Variants in GCN1 observed in about 807,000 individuals in gnomAD.
GCN1 encodes the protein stalled ribosome sensor GCN1.
GCN1 carries 90 observed loss-of-function variants against 288.4 expected under a neutral mutation model. That is an observed-to-expected ratio of 0.31 (90% CI 0.26 to 0.37). The LOEUF (loss-of-function observed/expected upper bound fraction) is 0.37. Ranked by LOEUF, GCN1 falls within the 10% of genes least tolerant of loss-of-function variation. The pLI is 1.00. For missense variants in GCN1, 2,586 were observed against 3,419.9 expected (o/e 0.76, Z 6.08); for synonymous variants, 1,386 against 1,420.2 (o/e 0.98, Z 0.54).
At chr12:120,131,464 T>C in intron 54 of GCN1, 131 bp from the exon 55 acceptor site, 1 of 808,086 alleles carries the variant, frequency 1.2e-6, no homozygotes, top group South Asian at 1.7e-5. Context: ...CCAGGCCACA[T>C]TCACATGGAC....
intron 55 of GCN1, 43 bp from the exon 56 acceptor site, chr12:120,130,796 T>G: frequency 7.7e-7 from 1 of 1,292,030 alleles, no homozygotes; most frequent in Non-Finnish European, 1.1e-6. Context: ...CCCCCACCCC[T>G]TCCCCAGAGC....
chr12:120,193,261 G>A (rs1198358256), intron 1 of GCN1, among the ~76,000 whole-genome samples: 1 of 152,144 alleles, frequency 6.6e-6, no homozygotes, highest in Non-Finnish European at 1.5e-5. Flanking sequence ...CTGGCTACAT[G>A]TGGCTAACTG....
chr12:120,176,927 T>C (rs1878498679), intron 9 of GCN1, among the ~76,000 whole-genome samples: 1 of 152,154 alleles, frequency 6.6e-6, no homozygotes. Context: ...CCACCACGCC[T>C]AATTTTTTTC....
Position 120,160,038 on chromosome 12 carries a change from G to C in GCN1, c.2551-15C>G. 1 of 1,613,028 alleles carries C rather than the reference G, an allele frequency of 6.2e-7. No homozygotes were observed. Among genetic ancestry groups the C allele is most frequent in the Non-Finnish European group, 8.5e-7 (1 of 1,178,984 alleles). ...TCCCCATCCAGCTGCAAGCAGAGTT[G>C]TCCAGAAGGCAGGTCAGCAGGGCCC... is the stretch of plus-strand genomic sequence containing the variant. On this transcript the variant is annotated splice_polypyrimidine_tract_variant and intron_variant, in intron 23 of 57. Transcript: ENST00000300648.
intron 16 of GCN1, among the ~76,000 whole-genome samples, chr12:120,167,681 C>T (rs1367781558): frequency 6.6e-6 from 1 of 152,044 alleles, no homozygotes; most frequent in Non-Finnish European, 1.5e-5. Flanking sequence ...TTTTCTAAAA[C>T]CAGGAAATGA....
At chr12:120,146,314 C>A (rs1877360928) in intron 38 of GCN1, among the ~76,000 whole-genome samples, 1 of 150,204 alleles carries the variant, frequency 6.7e-6, no homozygotes, top group Non-Finnish European at 1.5e-5. Flanking sequence ...TGGTGGGGAA[C>A]TGTAGATAAA....
Position 120,156,719 on chromosome 12 carries a change from C to A in GCN1, c.3169-115G>T. 1 of 1,109,268 alleles carries A rather than the reference C, an allele frequency of 9.0e-7. No homozygotes were observed. Among genetic ancestry groups the A allele is most frequent in the East Asian group, 2.5e-5 (1 of 40,614 alleles). 68.7% of individuals were successfully genotyped at this position (1,109,268 alleles called of 1,614,324 possible). ...TACAGCACTGCAAGGGCTAAGACCC[C>A]AGCTCCAGTGGCAGGACCCAAGCAA... On this transcript the variant is annotated intron_variant, in intron 27 of 57. Coordinates refer to ENST00000300648, the MANE Select transcript of GCN1 (RefSeq NM_006836.2). This position sits in a 1 kb window ranked among gnomAD's most constrained non-coding sequence, Gnocchi z 5.8.
chr12:120,142,675 T>C lies in GCN1; in HGVS notation c.5661A>G (p.Ala1887=). The C allele has an allele frequency of 6.2e-7, 1 of 1,614,084 alleles. No individual in the cohort carries two copies. Among genetic ancestry groups the C allele is most frequent in the Non-Finnish European group, 8.5e-7 (1 of 1,180,036 alleles). ...LGVERRNRVL[A]GLYMGRSDTQ... ...TGTCTGAGCGGCCCATGTACAGCCC[T>C]GCCAACACCCGGTTCCGCCGCTCTA... Residue 1887 remains alanine, a synonymous_variant, in exon 44 of 58, where the codon GCA becomes GCG. Transcript: ENST00000300648. The surrounding 1 kb of genome is among the most constrained non-coding windows in gnomAD (Gnocchi z 4.9).
At position 120,145,006 on chromosome 12, in the gene GCN1, G is replaced by A. The variant is rs1474267172; in HGVS notation, c.5072C>T (p.Ser1691Leu). The change falls in exon 40 of 58, where the codon TCG becomes TTG. Residue 1691 changes from serine (S) to leucine (L), a missense_variant. By Grantham distance (145) the Ser-to-Leu change is moderately radical. Transcript: ENST00000300648. ...CCACGGCAGCAAGTCCTCAAAGCAC[G>A]ACTCCCCCATGCCCTTCACCATGGC... ...LGAMVKGMGE[S>L]CFEDLLPWLM... 12 of 1,614,010 alleles carry A rather than the reference G, an allele frequency of 7.4e-6. No individual in the cohort carries two copies. The South Asian group carries it at 7.7e-5, about 10-fold the overall frequency.
At chr12:120,133,198 AGT>A (rs1455692667) in intron 53 of GCN1, among the ~76,000 whole-genome samples, 1 of 151,942 alleles carries the variant, frequency 6.6e-6, no homozygotes, top group Non-Finnish European at 1.5e-5. Flanking sequence ...GGGCAGGAGG[AGT>A]GTGTGTGGGT....
chr12:120,143,695 G>C (rs537562604), intron 42 of GCN1, among the ~76,000 whole-genome samples: 1 of 151,896 alleles, frequency 6.6e-6, no homozygotes, highest in Non-Finnish European at 1.5e-5. Context: ...ATGTCTAACA[G>C]CTTTAAGCAC....
In GCN1 at chr12:120,174,141, C is replaced by A. The variant is rs775384219; in HGVS notation, c.1122G>T (p.Val374=). 1.2e-6 allele frequency: 2 copies of A among 1,602,722 alleles called. No individual in the cohort carries two copies. Among genetic ancestry groups the A allele is most frequent in the Non-Finnish European group, 1.7e-6 (2 of 1,169,546 alleles). Residue 374 remains valine (V), a synonymous_variant, in exon 13 of 58, where the codon GTG becomes GTT. Transcript: ENST00000300648. ...TCAGGACCTGACTGGAAGGTCCAGA[C>A]ACCACGTGATGACTGACGCTCCCAA... The part of the protein sequence containing the change: ...SGIGSVSHHV[V]SGPSSQVLNG...
intron 5 of GCN1, 127 bp downstream of exon 5, chr12:120,183,442 G>A (rs761566477): frequency 3.9e-5 from 27 of 694,122 alleles, no homozygotes; most frequent in Admixed American, 2.5e-4. Flanking sequence ...CACACACCTC[G>A]GGACAACTCA....
At chr12:120,184,334 G>T in intron 3 of GCN1, 91 bp from the exon 4 acceptor site, 1 of 1,093,278 alleles carries the variant, frequency 9.1e-7, no homozygotes, top group Non-Finnish European at 1.3e-6. Context: ...GTCTTTCTCA[G>T]GAGAAACTGA....
At position 120,161,680 on chromosome 12, in the gene GCN1, T is replaced by G. The variant is rs891643521; in HGVS notation, c.2343-97A>C. ...GCAATTCCAACTAGCTGTTAAGCACTGTGCACCAGCACAGTGCCGGATACT... is the reference window on the plus strand; with the variant it reads ...GCAATTCCAACTAGCTGTTAAGCACGGTGCACCAGCACAGTGCCGGATACT... On this transcript the variant is annotated intron_variant, in intron 21 of 57. Transcript: ENST00000300648. The G allele has an allele frequency of 9.8e-5, 97 of 993,326 alleles. 2 individuals carry two copies. The highest frequency in any genetic ancestry group is 3.1e-4 in the South Asian group (23 of 75,116). 61.5% of individuals were successfully genotyped at this position (993,326 alleles called of 1,614,324 possible). A position where few individuals can be genotyped will look rare whatever the true frequency, so the allele number is the denominator to read the frequency against.
intron 22 of GCN1, among the ~76,000 whole-genome samples, chr12:120,161,184 A>G (rs1877913490): frequency 6.6e-6 from 1 of 152,234 alleles, no homozygotes; most frequent in African/African-American, 2.4e-5. Flanking sequence ...GATGGGTCCC[A>G]GTCTTCAAGG....
At chr12:120,184,953 A>G in intron 2 of GCN1, 66 bp from the exon 3 acceptor site, 1 of 1,053,230 alleles carries the variant, frequency 9.5e-7, no homozygotes, top group Non-Finnish European at 1.5e-6. Flanking sequence ...GGAGTCAGGT[A>G]TTCTGCCCAG....
Position 120,155,630 on chromosome 12 carries a change from C to A in GCN1, c.3402G>T (p.Lys1134Asn), listed in dbSNP as rs1295316908. ...LNLLRRLWVV[K>N]FDKEEEIRKL... ...TCCGGATCTCCTCCTCCTTGTCAAA[C>A]TTGACCACCCAGAGTCTCCGCAGAA... Residue 1134 changes from lysine (K) to asparagine (N), a missense_variant, in exon 29 of 58, where the codon AAG becomes AAT. Lys to Asn is a moderately conservative substitution (Grantham distance 94). This residue lies in a region of GCN1 where 332 missense variants were observed against 403.0 expected (regional missense o/e 0.82). Coordinates refer to ENST00000300648, the MANE Select transcript of GCN1 (RefSeq NM_006836.2). The surrounding 1 kb of genome is among the most constrained non-coding windows in gnomAD (Gnocchi z 4.9). 1 of 1,614,050 alleles carries A rather than the reference C, an allele frequency of 6.2e-7. No homozygotes were observed. Among genetic ancestry groups the A allele is most frequent in the African/African-American group, 1.3e-5 (1 of 74,934 alleles).
intron 1 of GCN1, 132 bp downstream of exon 1, chr12:120,194,548 G>T: frequency 1.1e-6 from 1 of 883,686 alleles, no homozygotes; most frequent in Non-Finnish European, 1.7e-6. Flanking sequence ...AGCCTGAGAC[G>T]GCCCCGAGAC....
Sources: gnomAD v4.1 joint callset for allele counts (sites outside exome capture counted in the v4.1 genomes callset) on GRCh38, gnomAD v4.1.1 for gene constraint, gnomAD v4.1.1 regional missense constraint, Gnocchi (gnomAD v3.1) non-coding constraint, MANE v1.5 for transcripts, NCBI Gene and HGNC (gene_info 2026-07-23, HGNC 2026-07-21) for gene names.